MYCBP2: variants seen among roughly 807,000 people sequenced by gnomAD.
The protein encoded by MYCBP2 is MYC binding protein 2.
A neutral mutation model predicts 525.3 loss-of-function variants in MYCBP2; 120 were observed. That is an observed-to-expected ratio of 0.23 (90% CI 0.20 to 0.27). MYCBP2 has a LOEUF of 0.27. Among genes scored for constraint, MYCBP2 ranks in the 10% least tolerant of loss-of-function variants. The pLI, the probability that MYCBP2 is intolerant of heterozygous loss-of-function variation, is 1.00. For synonymous variants in MYCBP2, 1,894 were observed against 1,955.8 expected (o/e 0.97, Z 0.83); for missense variants, 4,149 against 5,657.1 (o/e 0.73, Z 8.55).
intron 2 of MYCBP2, among the ~76,000 whole-genome samples, chr13:77,288,914 C>A (rs2077177270): frequency 6.6e-6 from 1 of 152,140 alleles, no homozygotes; most frequent in Non-Finnish European, 1.5e-5. Flanking sequence ...CCTAAGCTCT[C>A]TCTCACCTAT....
At chr13:77,155,354 G>A (rs2057078703) in intron 46 of MYCBP2, among the ~76,000 whole-genome samples, 1 of 152,112 alleles carries the variant, frequency 6.6e-6, no homozygotes, top group Non-Finnish European at 1.5e-5. Flanking sequence ...TCAGCTCTAA[G>A]CTTCAAACAA....
At chr13:77,279,111 T>C (rs1176903646) in intron 3 of MYCBP2, among the ~76,000 whole-genome samples, 200 bp from the exon 4 acceptor site, 1 of 152,204 alleles carries the variant, frequency 6.6e-6, no homozygotes, top group Non-Finnish European at 1.5e-5. Flanking sequence ...TAAACTATAT[T>C]AATTTGCAAA....
intron 48 of MYCBP2, 152 bp downstream of exon 48, chr13:77,146,010 C>A: frequency 2.0e-6 from 1 of 493,944 alleles, no homozygotes. Context: ...TTCTGCAAAT[C>A]TATACATTAT....
chr13:77,246,947 C>A (rs1330377950), intron 15 of MYCBP2, among the ~76,000 whole-genome samples: 1 of 151,948 alleles, frequency 6.6e-6, no homozygotes, highest in Non-Finnish European at 1.5e-5. Flanking sequence ...AGTAGACAAA[C>A]TAGGAATAGA....
chr13:77,096,834 A>T (rs2046327548), intron 56 of MYCBP2, among the ~76,000 whole-genome samples: 4 of 152,168 alleles, frequency 2.6e-5, no homozygotes, highest in African/African-American at 9.6e-5. Context: ...CATATTCATA[A>T]GACATTTGAG....
At chr13:77,202,459 A>G (rs1406202669) in intron 26 of MYCBP2, among the ~76,000 whole-genome samples, 1 of 152,210 alleles carries the variant, frequency 6.6e-6, no homozygotes, top group Non-Finnish European at 1.5e-5. Flanking sequence ...GAATTCTACC[A>G]GAGATACAAG....
chr13:77,230,409 G>T (rs1228140827), intron 18 of MYCBP2, among the ~76,000 whole-genome samples: 1 of 152,094 alleles, frequency 6.6e-6, no homozygotes, highest in Non-Finnish European at 1.5e-5. Flanking sequence ...AATATATGTA[G>T]AAAAAATACT....
At chr13:77,212,752 T>C (rs1034148365) in intron 21 of MYCBP2, among the ~76,000 whole-genome samples, 3 of 152,204 alleles carry the variant, frequency 2.0e-5, no homozygotes, top group Non-Finnish European at 4.4e-5. Flanking sequence ...TAAATAACTA[T>C]TAACCAGTTT....
intron 20 of MYCBP2, among the ~76,000 whole-genome samples, chr13:77,222,738 T>C (rs1047025497): frequency 1.3e-5 from 2 of 152,126 alleles, no homozygotes; most frequent in Admixed American, 6.6e-5. Flanking sequence ...GTAATTCTAA[T>C]ATACAGCCAG....
chr13:77,234,761 T>G (rs1052212145), intron 17 of MYCBP2, among the ~76,000 whole-genome samples: 2 of 152,134 alleles, frequency 1.3e-5, no homozygotes, highest in Admixed American at 1.3e-4. Flanking sequence ...GATTTCTCAA[T>G]TGTTACAAAG....
chr13:77,242,051 C>CTT (rs2068927607), intron 17 of MYCBP2, among the ~76,000 whole-genome samples: 1 of 152,116 alleles, frequency 6.6e-6, no homozygotes, highest in African/African-American at 2.4e-5. Context: ...GCAAGGAAAT[C>CTT]TTTAGTAATA....
intron 53 of MYCBP2, among the ~76,000 whole-genome samples, 197 bp downstream of exon 53, chr13:77,126,121 A>G (rs576033116): frequency 1.4e-4 from 22 of 152,234 alleles, no homozygotes; most frequent in Non-Finnish European, 2.8e-4. Context: ...TTGTTAATAT[A>G]TTGTTTACAC....
At chr13:77,130,433 A>G (rs1209866543) in intron 52 of MYCBP2, among the ~76,000 whole-genome samples, 2 of 151,886 alleles carry the variant, frequency 1.3e-5, no homozygotes, top group South Asian at 2.1e-4. Flanking sequence ...ATATACATAT[A>G]TATGTACAGA....
intron 8 of MYCBP2, among the ~76,000 whole-genome samples, chr13:77,266,746 G>GAAAAAAAAAAAAAAAAAAAA (rs56408804): frequency 6.7e-5 from 6 of 89,414 alleles, no homozygotes; most frequent in African/African-American, 2.7e-4. Context: ...GACTTGTAAT[G>GAAAAAAAAAAAAAAAAAAAA]AAAAAAAAAA....
Position 77,326,741 on chromosome 13 carries a change from G to A in MYCBP2, c.35C>T (p.Ala12Val). 7.1e-7 allele frequency: 1 copy of A among 1,410,320 alleles called. No individual in the cohort carries two copies. The highest frequency in any genetic ancestry group is 9.1e-7 in the Non-Finnish European group (1 of 1,095,708). The allele number at this position is 1,410,320 out of a possible 1,614,324, so 87.4% of individuals were successfully genotyped here. A position where few individuals can be genotyped will look rare whatever the true frequency, so the allele number is the denominator to read the frequency against. Reference sequence around the variant, plus strand: ...GTCCCCGCCGAGCCCCGAGGAGGCGGCGGCGGGGGAGGCAGTCGCTGCGCA... The same window carrying A: ...GTCCCCGCCGAGCCCCGAGGAGGCGACGGCGGGGGAGGCAGTCGCTGCGCA... ...MMCAATASPA[A>V]ASSGLGGDGF... The change falls in exon 1 of 83, where the codon GCC (alanine) becomes GTC (valine). Residue 12 changes from alanine to valine, a missense_variant. Physicochemically the swap from Ala to Val is moderately conservative, Grantham distance 64. Coordinates refer to ENST00000544440, the MANE Select transcript of MYCBP2 (RefSeq NM_015057.5). This position sits in a 1 kb window ranked among gnomAD's most constrained non-coding sequence, Gnocchi z 4.2.
Position 77,272,589 on chromosome 13 carries a change from C to T in MYCBP2, c.945+883G>A, listed in dbSNP as rs1379614135. Among the ~76,000 whole-genome samples the T allele has an allele frequency of 1.3e-5, 2 of 152,112 alleles. 1 individual carries two copies. The highest frequency in any genetic ancestry group is 1.3e-4 in the Admixed American group (2 of 15,272). On this transcript the variant is annotated intron_variant, in intron 5 of 82. Coordinates refer to ENST00000544440, the MANE Select transcript of MYCBP2 (RefSeq NM_015057.5). ...CTGAAAGCATGTCTACAGAACACAG[C>T]TTGAAAACCACTGTATTAGAGCAAC... is the stretch of plus-strand genomic sequence containing the variant.
At chr13:77,184,422 G>C (rs940384968) in intron 32 of MYCBP2, among the ~76,000 whole-genome samples, 6 of 152,228 alleles carry the variant, frequency 3.9e-5, no homozygotes, top group East Asian at 1.9e-4. Context: ...CTTAGTGAAT[G>C]GTCCCAAATA....
At chr13:77,119,474 T>C (rs1487623610) in intron 55 of MYCBP2, among the ~76,000 whole-genome samples, 1 of 152,010 alleles carries the variant, frequency 6.6e-6, no homozygotes, top group African/African-American at 2.4e-5. Context: ...TTTGAAATAA[T>C]AAATAAATGC....
intron 55 of MYCBP2, among the ~76,000 whole-genome samples, chr13:77,118,064 T>C (rs978945428): frequency 6.6e-6 from 1 of 152,204 alleles, no homozygotes; most frequent in South Asian, 2.1e-4. Flanking sequence ...CTTTATCCTT[T>C]TGGGACATCT....
Sources: allele counts gnomAD v4.1 joint callset (sites outside exome capture counted in the v4.1 genomes callset), GRCh38; gene constraint gnomAD v4.1.1; non-coding constraint Gnocchi (gnomAD v3.1); transcripts MANE v1.5; gene names NCBI Gene and HGNC (gene_info 2026-07-23, HGNC 2026-07-21).